The following TTC33 variants were observed in gnomAD, a reference collection of about 807,000 sequenced individuals.
TTC33 encodes tetratricopeptide repeat protein 33.
Under a neutral mutation model 29.4 loss-of-function variants are expected in TTC33, and 24 were observed. The observed-to-expected ratio is 0.82, with a 90% CI of 0.59 to 1.15. TTC33 has a LOEUF of 1.15. Ranked by LOEUF, TTC33 falls within the 50% of genes most tolerant of loss-of-function variation. The pLI, the probability that TTC33 is intolerant of heterozygous loss-of-function variation, is 0.00. For missense variants in TTC33, 286 were observed against 310.4 expected (o/e 0.92, Z 0.59); for synonymous variants, 107 against 100.3 (o/e 1.07, Z -0.40).
At chr5:40,729,971 T>C (rs1441523992) in intron 3 of TTC33, among the ~76,000 whole-genome samples, 1 of 152,182 alleles carries the variant, frequency 6.6e-6, no homozygotes, top group East Asian at 1.9e-4. Flanking sequence ...ATTGCTGGGA[T>C]TACAGACGTG....
intron 2 of TTC33, among the ~76,000 whole-genome samples, chr5:40,743,898 C>T (rs576766272): frequency 1.3e-5 from 2 of 152,234 alleles, no homozygotes; most frequent in African/African-American, 4.8e-5. Flanking sequence ...GCATCCAATC[C>T]CACTGGTTTT....
intron 4 of TTC33, among the ~76,000 whole-genome samples, chr5:40,718,760 G>T (rs1442471807): frequency 1.3e-5 from 2 of 151,750 alleles, no homozygotes; most frequent in African/African-American, 4.8e-5. Context: ...AATTAGCTGG[G>T]TGTAGTGGTG....
chr5:40,713,404 C>T lies in TTC33; in HGVS notation c.*2741G>A, dbSNP rs570905651. On this transcript the variant is annotated 3_prime_UTR_variant, in exon 5 of 5. Coordinates refer to ENST00000337702, the MANE Select transcript of TTC33 (RefSeq NM_012382.3). ...CTTAAAAATTCTAGCTGAGACAGAG[C>T]TTTTAAAAAATCTTTATAGTTTTAC... Among the ~76,000 whole-genome samples the T allele has an allele frequency of 6.6e-6, 1 of 152,206 alleles. No homozygotes were observed. The highest frequency in any genetic ancestry group is 2.1e-4 in the South Asian group (1 of 4,816).
At position 40,722,997 on chromosome 5, in the gene TTC33, AG is replaced by A. The variant is rs1365228430; in HGVS notation, c.435+5347del. ...CGATGGCGGTTTTGTCAAATAGAAAAGGGGGAAATGTGGGGAAAAGGAGAGA... is the reference window on the plus strand; with the variant it reads ...CGATGGCGGTTTTGTCAAATAGAAAAGGGGAAATGTGGGGAAAAGGAGAGA... On this transcript the variant is annotated intron_variant, in intron 4 of 4. Transcript: ENST00000337702. Among the ~76,000 whole-genome samples, 3 of 152,220 alleles carry A rather than the reference AG, an allele frequency of 2.0e-5. No homozygotes were observed. The East Asian group carries it at 5.8e-4, about 29-fold the overall frequency.
At chr5:40,754,205 G>C (rs986395638) in intron 1 of TTC33, among the ~76,000 whole-genome samples, 2 of 152,194 alleles carry the variant, frequency 1.3e-5, no homozygotes, top group Non-Finnish European at 2.9e-5. Flanking sequence ...GAGACCTAGA[G>C]ATCAGGGGCT....
At chr5:40,743,775 A>G (rs150893176) in intron 2 of TTC33, among the ~76,000 whole-genome samples, 122 of 152,290 alleles carry the variant, frequency 8.0e-4, no homozygotes, top group Middle Eastern at 6.8e-3. Flanking sequence ...CTCCACCTCA[A>G]AAAAATATAT....
At chr5:40,734,568 A>G (rs1017712094) in intron 2 of TTC33, among the ~76,000 whole-genome samples, 4 of 152,236 alleles carry the variant, frequency 2.6e-5, no homozygotes, top group African/African-American at 9.6e-5. Flanking sequence ...ATCAAGCTAA[A>G]TAAGTTAGAT....
At chr5:40,748,485 C>T (rs932021209) in intron 1 of TTC33, among the ~76,000 whole-genome samples, 10 of 152,118 alleles carry the variant, frequency 6.6e-5, no homozygotes, top group African/African-American at 2.4e-4. Flanking sequence ...CGTGAGCCAC[C>T]GCACCTGGCA....
At chr5:40,734,990 A>T (rs1365825727) in intron 2 of TTC33, among the ~76,000 whole-genome samples, 4 of 152,220 alleles carry the variant, frequency 2.6e-5, no homozygotes, top group African/African-American at 9.6e-5. Flanking sequence ...GACCTGAGTG[A>T]CAAAACGTGG....
chr5:40,747,638 G>A (rs1401653866), intron 1 of TTC33, among the ~76,000 whole-genome samples: 1 of 152,078 alleles, frequency 6.6e-6, no homozygotes, highest in Non-Finnish European at 1.5e-5. Flanking sequence ...TAACACATCA[G>A]AGATGCAGAT....
chr5:40,748,805 C>T (rs1391649906), intron 1 of TTC33, among the ~76,000 whole-genome samples: 4 of 152,222 alleles, frequency 2.6e-5, no homozygotes, highest in Non-Finnish European at 4.4e-5. Flanking sequence ...ACTTGGTAAA[C>T]GACTTAACTC....
intron 4 of TTC33, among the ~76,000 whole-genome samples, chr5:40,722,546 T>G (rs1392588809): frequency 2.0e-5 from 3 of 151,456 alleles, no homozygotes; most frequent in Non-Finnish European, 4.4e-5. Flanking sequence ...GGAGCGCCTC[T>G]GCCTGGCCGC....
chr5:40,746,462 T>C (rs1742789776), intron 2 of TTC33, among the ~76,000 whole-genome samples: 1 of 152,180 alleles, frequency 6.6e-6, no homozygotes, highest in African/African-American at 2.4e-5. Context: ...AAGCAGAAAG[T>C]TTCCAGTGAT....
chr5:40,724,029 G>A (rs1425365951), intron 4 of TTC33, among the ~76,000 whole-genome samples: 7 of 152,060 alleles, frequency 4.6e-5, no homozygotes, highest in Non-Finnish European at 8.8e-5. Context: ...CTCATTTCTG[G>A]ATATTTATCC....
intron 1 of TTC33, among the ~76,000 whole-genome samples, chr5:40,754,470 T>C (rs951165272): frequency 1.3e-5 from 2 of 151,846 alleles, no homozygotes; most frequent in Non-Finnish European, 2.9e-5. Flanking sequence ...AAATAACAGA[T>C]CTGAGTTCTT....
intron 2 of TTC33, among the ~76,000 whole-genome samples, chr5:40,731,249 C>CTGTTTGT (rs1742420599): frequency 6.6e-6 from 1 of 152,146 alleles, no homozygotes; most frequent in African/African-American, 2.4e-5. Context: ...AAAGGTTGGA[C>CTGTTTGT]TGTTTGTCCA....
intron 2 of TTC33, among the ~76,000 whole-genome samples, chr5:40,745,340 G>A (rs563085453): frequency 6.6e-6 from 1 of 152,184 alleles, no homozygotes; most frequent in Non-Finnish European, 1.5e-5. Flanking sequence ...GAAAAAACAT[G>A]AGGAATTAGG....
chr5:40,713,679 G>A lies in TTC33; in HGVS notation c.*2466C>T, dbSNP rs1044241655. Among the ~76,000 whole-genome samples, 2 of 152,138 alleles carry A rather than the reference G, an allele frequency of 1.3e-5. No homozygotes were observed. The highest frequency in any genetic ancestry group is 2.9e-5 in the Non-Finnish European group (2 of 68,016). The stretch of plus-strand genomic sequence containing the variant: ...TGTCTAGACACTCTGACTAATGAGT[G>A]TCTATGCCATACAATTCTCAAACAA... On this transcript the variant is annotated 3_prime_UTR_variant, in exon 5 of 5. Coordinates refer to ENST00000337702, the MANE Select transcript of TTC33 (RefSeq NM_012382.3).
chr5:40,745,943 A>G (rs968807902), intron 2 of TTC33, among the ~76,000 whole-genome samples: 1 of 152,116 alleles, frequency 6.6e-6, no homozygotes. Flanking sequence ...TTTTCAAAAT[A>G]AAAAAGGCCT....
Sources: gnomAD v4.1 joint callset for allele counts (sites outside exome capture counted in the v4.1 genomes callset) on GRCh38, gnomAD v4.1.1 for gene constraint, MANE v1.5 for transcripts, NCBI Gene and HGNC (gene_info 2026-07-23, HGNC 2026-07-21) for gene names.